Variants in MALRD1 observed in about 807,000 individuals in gnomAD.
MALRD1 encodes MAM and LDL-receptor class A domain-containing protein 1.
A neutral mutation model predicts 242.1 loss-of-function variants in MALRD1; 247 were observed. The observed-to-expected ratio is 1.02, with a 90% confidence interval of 0.92 to 1.13. MALRD1 has a LOEUF of 1.13. Among genes scored for constraint, MALRD1 ranks in the 50% most tolerant of loss-of-function variants. MALRD1 has a pLI of 0.00. For synonymous variants in MALRD1, 995 were observed against 866.6 expected, an observed-to-expected ratio of 1.15 and a Z score of -2.60; for missense variants, 2,989 against 2,533.1, an observed-to-expected ratio of 1.18 and a Z score of -3.86.
chr10:19,507,361 A>G (rs3852464), intron 31 of MALRD1, among the ~76,000 whole-genome samples: 32,797 of 152,056 alleles, frequency 0.22, 5,197 homozygotes, highest in African/African-American at 0.46. Flanking sequence ...AATTTTCAAA[A>G]TAAAGGCGTT....
At chr10:19,346,873 C>T (rs924557699) in intron 24 of MALRD1, among the ~76,000 whole-genome samples, 1 of 152,084 alleles carries the variant, frequency 6.6e-6, no homozygotes, top group African/African-American at 2.4e-5. Flanking sequence ...TGGTCTTGAA[C>T]TCCTGACCTT....
At position 19,104,083 on chromosome 10, in the gene MALRD1, C is replaced by CT; in HGVS notation, c.694+13dup. 1 of 1,219,444 alleles carries CT rather than the reference C, an allele frequency of 8.2e-7. No individual in the cohort carries two copies. The highest frequency in any genetic ancestry group is 1.0e-6 in the Non-Finnish European group (1 of 975,176). The allele number at this position is 1,219,444 out of a possible 1,614,324, so 75.5% of individuals were successfully genotyped here. On this transcript the variant is annotated intron_variant, in intron 5 of 39. Transcript: ENST00000454679. ...GCTGCTTGCCTGCCAATGGTAAGAA[C>CT]TTTTTCTCTCATTTTGATCTTTACT...
intron 36 of MALRD1, among the ~76,000 whole-genome samples, chr10:19,664,023 G>A (rs953386404): frequency 6.6e-6 from 1 of 152,098 alleles, no homozygotes; most frequent in Admixed American, 6.6e-5. Flanking sequence ...AAAAACAAGA[G>A]GGAATTCATC....
chr10:19,253,199 T>G (rs1166547859), intron 18 of MALRD1, among the ~76,000 whole-genome samples: 2 of 151,944 alleles, frequency 1.3e-5, no homozygotes, highest in Non-Finnish European at 2.9e-5. Context: ...CGTAAGTATT[T>G]GTCCTCTAGG....
chr10:19,479,903 A>T (rs1422280963), intron 29 of MALRD1, among the ~76,000 whole-genome samples: 1 of 152,176 alleles, frequency 6.6e-6, no homozygotes. Context: ...GTATGGACTC[A>T]CCTGGATGTG....
chr10:19,595,679 T>A lies in MALRD1; in HGVS notation c.5944+222T>A, dbSNP rs115840209. On this transcript the variant is annotated intron_variant, in intron 34 of 39. Coordinates refer to ENST00000454679, the MANE Select transcript of MALRD1 (RefSeq NM_001142308.3). ...CATGCTAATTTTTGTTAAACCTATC[T>A]TTTTCCTTTTCCATTTATATCTGAG... is the stretch of plus-strand genomic sequence containing the variant. 2.3e-3 allele frequency among the ~76,000 whole-genome samples: 343 copies of A among 152,316 alleles called. 1 individual carries two copies. The highest frequency in any genetic ancestry group is 7.4e-3 in the African/African-American group (307 of 41,574).
chr10:19,070,743 T>C (rs371109660), intron 2 of MALRD1, among the ~76,000 whole-genome samples: 14 of 151,718 alleles, frequency 9.2e-5, no homozygotes, highest in African/African-American at 3.1e-4. Context: ...GATGTGTGAA[T>C]GGAGGCTCTG....
At chr10:19,534,840 GAT>G (rs566101560) in intron 32 of MALRD1, among the ~76,000 whole-genome samples, 29 of 151,448 alleles carry the variant, frequency 1.9e-4, no homozygotes, top group African/African-American at 6.3e-4. Flanking sequence ...AATAAAGATA[GAT>G]ATATATATGC....
In MALRD1 at chr10:19,205,138, T is replaced by G. The variant is rs369654119; in HGVS notation, c.2451T>G (p.Pro817=). ...TCCGATTTGAAAATTGTACTCTCCC[T>G]CTTCCTGCTGAGAGCTGTGAAGGGC... ...DDIRFENCTL[P]LPAESCEGLD... is the part of the protein sequence containing the mutation. Residue 817 remains proline, a synonymous_variant, in exon 17 of 40, where the codon CCT becomes CCG. Coordinates refer to ENST00000454679, the MANE Select transcript of MALRD1 (RefSeq NM_001142308.3). 2 of 1,550,876 alleles carry G rather than the reference T, an allele frequency of 1.3e-6. No individual in the cohort carries two copies. Among genetic ancestry groups the G allele is most frequent in the South Asian group, 1.2e-5 (1 of 84,062 alleles).
Position 19,389,626 on chromosome 10 carries a change from T to G in MALRD1, c.4845+17T>G, listed in dbSNP as rs1305532057. On this transcript the variant is annotated intron_variant, in intron 28 of 39. Transcript: ENST00000454679. ...CTCATCAAGGTAGGAACATGGCCTG[T>G]GATGCCTCTGAGCTTGTTTTGTTCT... The G allele has an allele frequency of 2.0e-5, 31 of 1,545,530 alleles. No homozygotes were observed. The highest frequency in any genetic ancestry group is 1.8e-4 in the Middle Eastern group (1 of 5,616).
chr10:19,491,664 T>C lies in MALRD1; in HGVS notation c.5158+19T>C, dbSNP rs780078445. On this transcript the variant is annotated intron_variant, in intron 30 of 39. Transcript: ENST00000454679. ...CACTGTGGTAAGTTTATCTATCTGC[T>C]GTATGGCAGCCAGTTCAGCAGATAT... is the stretch of plus-strand genomic sequence containing the variant. 2.6e-6 allele frequency: 4 copies of C among 1,545,658 alleles called. No individual in the cohort carries two copies. In the South Asian group the frequency reaches 4.8e-5, roughly 18 times the overall value.
At chr10:19,267,561 A>G (rs16918447) in intron 19 of MALRD1, among the ~76,000 whole-genome samples, 2,361 of 152,118 alleles carry the variant, frequency 0.016, 64 homozygotes, top group African/African-American at 0.053. Flanking sequence ...ATGAATGTTT[A>G]TTTCAGTGTG....
intron 38 of MALRD1, among the ~76,000 whole-genome samples, chr10:19,725,978 A>G (rs981275489): frequency 6.0e-4 from 91 of 152,322 alleles, no homozygotes; most frequent in African/African-American, 1.9e-3. Flanking sequence ...TGTAAGAGCA[A>G]AAGCCATAAT....
intron 36 of MALRD1, among the ~76,000 whole-genome samples, chr10:19,672,216 T>G (rs545654196): frequency 6.6e-6 from 1 of 152,036 alleles, no homozygotes; most frequent in African/African-American, 2.4e-5. Flanking sequence ...TCAGAGATCA[T>G]TAAATCATCT....
At chr10:19,654,307 G>A (rs10827743) in intron 36 of MALRD1, among the ~76,000 whole-genome samples, 7,407 of 152,168 alleles carry the variant, frequency 0.049, 241 homozygotes, top group Middle Eastern at 0.095. Context: ...TTTTTAGCAT[G>A]TCTTATTAAC....
chr10:19,245,939 T>G (rs531816860), intron 18 of MALRD1, among the ~76,000 whole-genome samples: 1 of 152,196 alleles, frequency 6.6e-6, no homozygotes, highest in African/African-American at 2.4e-5. Context: ...GGACCCTATA[T>G]TCTCTCTTTA....
At chr10:19,306,554 A>G (rs1260520330) in intron 21 of MALRD1, among the ~76,000 whole-genome samples, 3 of 148,078 alleles carry the variant, frequency 2.0e-5, no homozygotes, top group Non-Finnish European at 4.5e-5. Flanking sequence ...GTATATATAT[A>G]GTATGGTAGT....
chr10:19,357,945 T>C (rs1000976451), intron 26 of MALRD1, among the ~76,000 whole-genome samples: 1 of 151,974 alleles, frequency 6.6e-6, no homozygotes, highest in South Asian at 2.1e-4. Context: ...CCCAGGGCTT[T>C]ATTAGCAAAA....
Position 19,205,130 on chromosome 10 carries a change from A to G in MALRD1, c.2443A>G (p.Thr815Ala), listed in dbSNP as rs1388265891. ...TGATGACATCCGATTTGAAAATTGT[A>G]CTCTCCCTCTTCCTGCTGAGAGCTG... ...AIDDIRFENC[T>A]LPLPAESCEG... Residue 815 changes from threonine to alanine, a missense_variant, in exon 17 of 40, where the codon ACT (threonine) becomes GCT (alanine). By Grantham distance (58) the Thr-to-Ala change is moderately conservative. Coordinates refer to ENST00000454679, the MANE Select transcript of MALRD1 (RefSeq NM_001142308.3). 1.3e-6 allele frequency: 2 copies of G among 1,549,998 alleles called. No homozygotes were observed. The highest frequency in any genetic ancestry group is 1.7e-6 in the Non-Finnish European group (2 of 1,146,848).
Sources: allele counts gnomAD v4.1 joint callset (sites outside exome capture counted in the v4.1 genomes callset), GRCh38; gene constraint gnomAD v4.1.1; transcripts MANE v1.5; gene names NCBI Gene and HGNC (gene_info 2026-07-23, HGNC 2026-07-21).